The following PACRG variants were observed in gnomAD, a reference collection of about 807,000 sequenced individuals.
The protein encoded by PACRG is parkin coregulated.
Under a neutral mutation model 29.7 loss-of-function variants are expected in PACRG, and 29 were observed. The ratio of observed to expected loss-of-function variants is 0.98; its 90% CI spans 0.73 to 1.33. The LOEUF is 1.33. PACRG is among the 40% of genes most tolerant of loss of function. The pLI is 0.00. For synonymous variants in PACRG, 116 were observed against 118.7 expected (o/e 0.98, Z 0.15); for missense variants, 279 against 316.2 (o/e 0.88, Z 0.89).
intron 4 of PACRG, among the ~76,000 whole-genome samples, chr6:163,223,749 G>A (rs1781676961): frequency 6.6e-6 from 1 of 152,198 alleles, no homozygotes; most frequent in Non-Finnish European, 1.5e-5. Context: ...ACTGGCTGAG[G>A]ACCAGAAGAA....
chr6:162,907,925 G>T (rs942625114), intron 2 of PACRG, among the ~76,000 whole-genome samples: 2 of 152,116 alleles, frequency 1.3e-5, no homozygotes, highest in South Asian at 4.2e-4. Context: ...CAAGGTATTT[G>T]CCATATAATT....
At chr6:162,877,288 A>G (rs1273194716) in intron 2 of PACRG, among the ~76,000 whole-genome samples, 1 of 152,178 alleles carries the variant, frequency 6.6e-6, no homozygotes, top group African/African-American at 2.4e-5. Flanking sequence ...CTTTGCAGGG[A>G]CATGGATGAA....
At chr6:162,890,880 G>A (rs1177221953) in intron 2 of PACRG, among the ~76,000 whole-genome samples, 2 of 152,142 alleles carry the variant, frequency 1.3e-5, no homozygotes, top group Non-Finnish European at 2.9e-5. Context: ...GTGGCTGATG[G>A]TTTTAATGAT....
rs1784401877 is a variant in PACRG at position 163,286,378 on chromosome 6, G to A, written c.614-28449G>A. Among the ~76,000 whole-genome samples the A allele has an allele frequency of 3.3e-5, 5 of 152,256 alleles. No individual in the cohort carries two copies. In the South Asian group the frequency reaches 1.0e-3, roughly 32 times the overall value. On this transcript the variant is annotated intron_variant, in intron 4 of 4. Transcript: ENST00000366888. ...TTTACTACCCATAATAACACAGGTA[G>A]TAATAAAACAATATTCTGTAAAGAG...
intron 2 of PACRG, among the ~76,000 whole-genome samples, chr6:162,939,697 G>A (rs1294116234): frequency 6.8e-6 from 1 of 147,186 alleles, no homozygotes; most frequent in Non-Finnish European, 1.5e-5. Flanking sequence ...GTGTGTGTGT[G>A]TGTGTCACTT....
intron 4 of PACRG, among the ~76,000 whole-genome samples, chr6:163,211,134 C>T (rs1437349502): frequency 6.6e-6 from 1 of 152,152 alleles, no homozygotes; most frequent in Non-Finnish European, 1.5e-5. Context: ...CTTAACTCTA[C>T]CATTATGACA....
At chr6:162,868,767 G>T (rs1792544026) in intron 2 of PACRG, among the ~76,000 whole-genome samples, 1 of 152,190 alleles carries the variant, frequency 6.6e-6, no homozygotes, top group Admixed American at 6.5e-5. Context: ...CTTTCCTGTA[G>T]ATGGGGAATT....
chr6:163,075,109 G>T lies in PACRG; in HGVS notation c.463+12788G>T, dbSNP rs1482489656. Among the ~76,000 whole-genome samples the T allele has an allele frequency of 2.0e-5, 3 of 152,122 alleles. No homozygotes were observed. In the East Asian group the frequency reaches 5.8e-4, roughly 29 times the overall value. ...CAGACATTGAAAATATCATGATAGG[G>T]TATTAAGAACAACTTATCCCTAAAA... On this transcript the variant is annotated intron_variant, in intron 3 of 4. Transcript: ENST00000366888.
At chr6:163,211,233 T>C (rs1273246040) in intron 4 of PACRG, among the ~76,000 whole-genome samples, 2 of 152,228 alleles carry the variant, frequency 1.3e-5, no homozygotes, top group Non-Finnish European at 1.5e-5. Flanking sequence ...GTGTAAATTA[T>C]GCAACTGTCT....
chr6:163,250,565 A>G (rs963261802), intron 4 of PACRG, among the ~76,000 whole-genome samples: 3 of 152,250 alleles, frequency 2.0e-5, no homozygotes, highest in Non-Finnish European at 4.4e-5. Context: ...GTCAGCAAAC[A>G]GTGACAGTTT....
chr6:162,867,192 C>A (rs1340712641), intron 2 of PACRG, among the ~76,000 whole-genome samples: 6 of 152,308 alleles, frequency 3.9e-5, no homozygotes, highest in African/African-American at 1.4e-4. Context: ...TCTTCTAGCC[C>A]ACTGACCTTG....
At chr6:163,217,071 C>T (rs776214046) in intron 4 of PACRG, among the ~76,000 whole-genome samples, 30 of 152,198 alleles carry the variant, frequency 2.0e-4, no homozygotes, top group Non-Finnish European at 2.9e-4. Flanking sequence ...TCAAAACTTC[C>T]GTTGAGTCCT....
chr6:163,105,661 C>G (rs1364132362), intron 4 of PACRG, among the ~76,000 whole-genome samples: 1 of 151,978 alleles, frequency 6.6e-6, no homozygotes, highest in Non-Finnish European at 1.5e-5. Flanking sequence ...AGAAAGTATG[C>G]TATTTGAGGT....
chr6:163,298,283 T>C (rs1050230680), intron 4 of PACRG, among the ~76,000 whole-genome samples: 2 of 147,134 alleles, frequency 1.4e-5, no homozygotes, highest in Non-Finnish European at 3.0e-5. Flanking sequence ...CACAGCAAAA[T>C]AATACATGGG....
chr6:162,735,777 C>T (rs905154962), intron 1 of PACRG, among the ~76,000 whole-genome samples: 4 of 152,128 alleles, frequency 2.6e-5, no homozygotes, highest in African/African-American at 9.7e-5. Flanking sequence ...TTACCTCAAA[C>T]ATACTTGTGT....
At chr6:162,766,595 G>A (rs908181624) in intron 1 of PACRG, among the ~76,000 whole-genome samples, 5 of 152,070 alleles carry the variant, frequency 3.3e-5, no homozygotes, top group African/African-American at 1.2e-4. Context: ...CAGATCATAC[G>A]ATAATTCTGT....
chr6:163,294,149 G>A (rs927061297), intron 4 of PACRG, among the ~76,000 whole-genome samples: 2 of 152,074 alleles, frequency 1.3e-5, no homozygotes, highest in South Asian at 2.1e-4. Flanking sequence ...TGAGGAAATT[G>A]TACTTCTTTG....
chr6:162,983,690 A>T (rs1438063623), intron 2 of PACRG, among the ~76,000 whole-genome samples: 1 of 152,028 alleles, frequency 6.6e-6, no homozygotes, highest in Non-Finnish European at 1.5e-5. Context: ...TTAGTCTGAT[A>T]GTTTTTCCCT....
At chr6:162,953,387 T>C (rs1799798531) in intron 2 of PACRG, among the ~76,000 whole-genome samples, 1 of 152,222 alleles carries the variant, frequency 6.6e-6, no homozygotes, top group African/African-American at 2.4e-5. Flanking sequence ...CTTCTTTTAA[T>C]GTATGTAGAT....
Sources: allele counts gnomAD v4.1 joint callset (sites outside exome capture counted in the v4.1 genomes callset), GRCh38; gene constraint gnomAD v4.1.1; transcripts MANE v1.5; gene names NCBI Gene and HGNC (gene_info 2026-07-23, HGNC 2026-07-21).